The following QTRT2 variants were observed in gnomAD, a reference collection of about 807,000 sequenced individuals.
QTRT2 encodes the protein queuine tRNA-ribosyltransferase domain containing 1.
QTRT2 carries 32 observed loss-of-function variants against 44.8 expected under a neutral mutation model. The observed-to-expected ratio is 0.71, with a 90% CI of 0.54 to 0.96. QTRT2 has a LOEUF of 0.96. Among genes scored for constraint, QTRT2 ranks in the 40% least tolerant of loss-of-function variants. The probability of loss-of-function intolerance (pLI) is 0.00; values close to 1 mark genes in which losing one functional copy is unlikely to be tolerated. For missense variants in QTRT2, 461 were observed against 503.1 expected (o/e 0.92, Z 0.80); for synonymous variants, 182 against 187.4 (o/e 0.97, Z 0.24).
At chr3:114,068,525 A>G (rs2076983697) in intron 5 of QTRT2, among the ~76,000 whole-genome samples, 1 of 152,202 alleles carries the variant, frequency 6.6e-6, no homozygotes, top group Non-Finnish European at 1.5e-5. Context: ...AACAGTATCA[A>G]AAGCACCTCA....
At chr3:114,059,756 C>T (rs970089725) in intron 2 of QTRT2, among the ~76,000 whole-genome samples, 1 of 152,192 alleles carries the variant, frequency 6.6e-6, no homozygotes, top group East Asian at 1.9e-4. Context: ...TAAACCCAGT[C>T]ATCTGCTTTT....
intron 8 of QTRT2, among the ~76,000 whole-genome samples, chr3:114,080,486 T>C (rs1424789573): frequency 1.3e-5 from 2 of 152,220 alleles, no homozygotes; most frequent in African/African-American, 4.8e-5. Context: ...GTGTTACTTC[T>C]TGCATTTTTT....
intron 9 of QTRT2, among the ~76,000 whole-genome samples, chr3:114,083,217 A>G (rs577081257): frequency 6.6e-6 from 1 of 152,120 alleles, no homozygotes; most frequent in Non-Finnish European, 1.5e-5. Flanking sequence ...ATTGAATTGA[A>G]TATCCCTTCT....
intron 6 of QTRT2, among the ~76,000 whole-genome samples, chr3:114,076,489 GA>G (rs2077092266): frequency 6.6e-6 from 1 of 152,164 alleles, no homozygotes; most frequent in African/African-American, 2.4e-5. Flanking sequence ...ATCTAAGCCA[GA>G]ACAAGACTGC....
Position 114,076,830 on chromosome 3 carries a change from C to G in QTRT2, c.634C>G (p.Arg212Gly). The G allele has an allele frequency of 6.2e-7, 1 of 1,614,166 alleles. No individual in the cohort carries two copies. Among genetic ancestry groups the G allele is most frequent in the Non-Finnish European group, 8.5e-7 (1 of 1,180,008 alleles). Residue 212 changes from arginine (R) to glycine (G), a missense_variant, in exon 7 of 10, where the codon CGG becomes GGG. Transcript: ENST00000281273. ...GAGGTCAGCACGAGAGACAGCCAAG[C>G]GGCCTGTGGGTGGCTTCCTTCTGGA... is the stretch of plus-strand genomic sequence containing the variant. Reference protein sequence around the residue: ...RLRSARETAKRPVGGFLLDGF... With the variant: ...RLRSARETAKGPVGGFLLDGF...
chr3:114,086,153 A>G lies in QTRT2; in HGVS notation c.*249A>G. The G allele has an allele frequency of 4.6e-6, 2 of 436,622 alleles. No individual in the cohort carries two copies. Among genetic ancestry groups the G allele is most frequent in the Non-Finnish European group, 8.5e-6 (2 of 235,570 alleles). The allele number at this position is 436,622 out of a possible 1,614,324, so 27.0% of individuals were successfully genotyped here. ...TTAAGACTTCTAGACTAATTCTTTT[A>G]GTTGATAGAGATTCATTTAGTCAAA... On this transcript the variant is annotated 3_prime_UTR_variant, in exon 10 of 10. Coordinates refer to ENST00000281273, the MANE Select transcript of QTRT2 (RefSeq NM_024638.4).
chr3:114,064,059 A>G (rs554129353), intron 2 of QTRT2, among the ~76,000 whole-genome samples: 1 of 152,204 alleles, frequency 6.6e-6, no homozygotes, highest in South Asian at 2.1e-4. Flanking sequence ...TACTACAAAT[A>G]CAAAAGTCAT....
chr3:114,080,558 A>G (rs952635262), intron 8 of QTRT2, among the ~76,000 whole-genome samples: 3 of 151,842 alleles, frequency 2.0e-5, no homozygotes, highest in African/African-American at 7.3e-5. Context: ...AAGGACTGCC[A>G]TTTTCTTTTA....
chr3:114,057,216 G>A, intron 2 of QTRT2, 110 bp downstream of exon 2: 2 of 339,740 alleles, frequency 5.9e-6, no homozygotes, highest in African/African-American at 2.2e-5. Context: ...GATGGCCCAT[G>A]GAGCAAAGAT....
At position 114,088,297 on chromosome 3, in the gene QTRT2, TGTA is replaced by T. The variant is rs1559968264; in HGVS notation, c.*2397_*2399del. The T allele has an allele frequency of 6.6e-6, 1 of 152,190 alleles. No homozygotes were observed. 9.4% of individuals were successfully genotyped at this position (152,190 alleles called of 1,614,324 possible). ...TGAGAAAAATATTCCTTTCCTTTAT[TGTA>T]GTAAATCTATTAAAGGCAATAGCCA... On this transcript the variant is annotated 3_prime_UTR_variant, in exon 10 of 10. Coordinates refer to ENST00000281273, the MANE Select transcript of QTRT2 (RefSeq NM_024638.4).
intron 2 of QTRT2, among the ~76,000 whole-genome samples, chr3:114,064,409 C>T (rs1453917836): frequency 6.6e-6 from 1 of 152,148 alleles, no homozygotes; most frequent in East Asian, 1.9e-4. Flanking sequence ...GTGTGCTTAT[C>T]AAGTTCTGTA....
chr3:114,071,908 C>T (rs1423769402), intron 6 of QTRT2, among the ~76,000 whole-genome samples: 1 of 152,184 alleles, frequency 6.6e-6, no homozygotes, highest in Non-Finnish European at 1.5e-5. Context: ...TCTTACATGG[C>T]ATGGACAGCC....
chr3:114,057,747 A>G (rs1338675980), intron 2 of QTRT2, among the ~76,000 whole-genome samples: 1 of 152,220 alleles, frequency 6.6e-6, no homozygotes, highest in African/African-American at 2.4e-5. Context: ...ATATTATAGT[A>G]TAATATGTTT....
rs776464319 is a variant in QTRT2, at chr3:114,079,977, G to GT, written c.824dup (p.Tyr277LeufsTer15). On this transcript the variant is annotated frameshift_variant, in exon 8 of 10. Transcript: ENST00000281273. LOFTEE classifies it high-confidence loss of function. The stretch of plus-strand genomic sequence containing the variant: ...GAAAGAGGAGTGGACTTATTTGAGA[G>GT]TTTTTTCCCTTATCAAGTAACAGAG... 1 of 1,613,864 alleles carries GT rather than the reference G, an allele frequency of 6.2e-7. No homozygotes were observed. Among genetic ancestry groups the GT allele is most frequent in the South Asian group, 1.1e-5 (1 of 91,074 alleles).
intron 2 of QTRT2, among the ~76,000 whole-genome samples, chr3:114,061,625 G>T (rs1472915662): frequency 6.6e-6 from 1 of 152,150 alleles, no homozygotes; most frequent in Non-Finnish European, 1.5e-5. Context: ...TGCCCAGGCT[G>T]GAGTGCCAGT....
chr3:114,063,758 A>G (rs887891996), intron 2 of QTRT2, among the ~76,000 whole-genome samples: 2 of 152,152 alleles, frequency 1.3e-5, no homozygotes, highest in Non-Finnish European at 2.9e-5. Flanking sequence ...GATTCTAATG[A>G]CAAAGATGGC....
chr3:114,076,095 G>A (rs1441082264), intron 6 of QTRT2, among the ~76,000 whole-genome samples: 1 of 152,124 alleles, frequency 6.6e-6, no homozygotes, highest in East Asian at 1.9e-4. Flanking sequence ...AGCAGGCCTG[G>A]ATAGTCATTT....
chr3:114,068,620 T>C (rs2076984846), intron 5 of QTRT2, among the ~76,000 whole-genome samples: 1 of 152,228 alleles, frequency 6.6e-6, no homozygotes, highest in South Asian at 2.1e-4. Flanking sequence ...GTACTGCTAC[T>C]TTACAAACGC....
intron 2 of QTRT2, among the ~76,000 whole-genome samples, chr3:114,062,634 TTTG>T (rs533070217): frequency 1.3e-5 from 2 of 152,300 alleles, no homozygotes; most frequent in South Asian, 2.1e-4. Context: ...AGCAATGGGG[TTTG>T]TTGTTTTTAC....
Sources: gnomAD v4.1 joint callset for allele counts (sites outside exome capture counted in the v4.1 genomes callset) on GRCh38, gnomAD v4.1.1 for gene constraint, MANE v1.5 for transcripts, NCBI Gene and HGNC (gene_info 2026-07-23, HGNC 2026-07-21) for gene names.